The following JPH3 variants were observed in gnomAD, a reference collection of about 807,000 sequenced individuals.
JPH3 encodes junctophilin 3, also known as junctophilin-3.
Under a neutral mutation model 59.6 loss-of-function variants are expected in JPH3, and 11 were observed. The ratio of observed to expected loss-of-function variants is 0.18; its 90% CI spans 0.12 to 0.31. The LOEUF (loss-of-function observed/expected upper bound fraction) is 0.31, where lower values mean the gene tolerates loss of function less well. Ranked by LOEUF, JPH3 falls within the 10% of genes least tolerant of loss-of-function variation. JPH3 has a pLI of 1.00. For missense variants in JPH3, 1,202 were observed against 1,105.7 expected, an observed-to-expected ratio of 1.09 and a Z score of -1.24; for synonymous variants, 673 against 483.6, an observed-to-expected ratio of 1.39 and a Z score of -5.14.
At chr16:87,675,857 A>G (rs2033130578) in intron 2 of JPH3, among the ~76,000 whole-genome samples, 1 of 151,968 alleles carries the variant, frequency 6.6e-6, no homozygotes, top group Admixed American at 6.5e-5. Context: ...CTCCCATCCT[A>G]TTTCGCACCC....
chr16:87,671,557 A>G (rs1346400829), intron 2 of JPH3, among the ~76,000 whole-genome samples: 4 of 151,792 alleles, frequency 2.6e-5, no homozygotes, highest in Admixed American at 2.6e-4. Context: ...AGCAGGAGTC[A>G]CCCACACAAC....
Position 87,696,747 on chromosome 16 carries a change from C to A in JPH3, c.*87C>A. ...CAAAACCACAAGAAGGGAAAGACCGCAACTCGGACAGCCCAGCGACTTCCA... is the reference window on the plus strand; with the variant it reads ...CAAAACCACAAGAAGGGAAAGACCGAAACTCGGACAGCCCAGCGACTTCCA... On this transcript the variant is annotated 3_prime_UTR_variant, in exon 5 of 5. Transcript: ENST00000284262. The A allele has an allele frequency of 1.9e-6, 2 of 1,068,734 alleles. No individual in the cohort carries two copies. Among genetic ancestry groups the A allele is most frequent in the Non-Finnish European group, 2.8e-6 (2 of 703,392 alleles). The allele number at this position is 1,068,734 out of a possible 1,614,324, so 66.2% of individuals were successfully genotyped here. A position where few individuals can be genotyped will look rare whatever the true frequency, so the allele number is the denominator to read the frequency against.
chr16:87,639,115 A>C (rs2031854346), intron 1 of JPH3, among the ~76,000 whole-genome samples: 1 of 152,174 alleles, frequency 6.6e-6, no homozygotes. Flanking sequence ...AGAGAGGTGC[A>C]GGGCTTTTGC....
chr16:87,664,472 A>G (rs1303293340), intron 2 of JPH3, among the ~76,000 whole-genome samples: 1 of 151,554 alleles, frequency 6.6e-6, no homozygotes, highest in Non-Finnish European at 1.5e-5. Flanking sequence ...TAAAGATACA[A>G]AAATTAGCCG....
At chr16:87,676,214 A>G (rs573944594) in intron 2 of JPH3, among the ~76,000 whole-genome samples, 1 of 152,306 alleles carries the variant, frequency 6.6e-6, no homozygotes, top group East Asian at 1.9e-4. Context: ...CCGTCTTCTC[A>G]ATGAGACCAG....
chr16:87,632,072 A>G (rs1295140236), intron 1 of JPH3, among the ~76,000 whole-genome samples: 1 of 152,026 alleles, frequency 6.6e-6, no homozygotes, highest in South Asian at 2.1e-4. Flanking sequence ...CTGTTCATAT[A>G]TTAAAGTGAG....
At chr16:87,663,583 G>T (rs1405788959) in intron 2 of JPH3, among the ~76,000 whole-genome samples, 2 of 152,144 alleles carry the variant, frequency 1.3e-5, no homozygotes, top group Non-Finnish European at 2.9e-5. Context: ...CACAGCCACT[G>T]CCCCCAGCTG....
At chr16:87,683,374 C>A (rs565566097) in intron 2 of JPH3, among the ~76,000 whole-genome samples, 1 of 151,722 alleles carries the variant, frequency 6.6e-6, no homozygotes, top group Non-Finnish European at 1.5e-5. Flanking sequence ...GCGTGATCTC[C>A]GCTCACTGCA....
Position 87,690,702 on chromosome 16 carries a change from A to G in JPH3, c.2166+176A>G, listed in dbSNP as rs546861215. Among the ~76,000 whole-genome samples the G allele has an allele frequency of 2.1e-4, 32 of 152,246 alleles. No individual in the cohort carries two copies. In the South Asian group the frequency reaches 6.4e-3, roughly 31 times the overall value. On this transcript the variant is annotated intron_variant, in intron 4 of 4. Transcript: ENST00000284262. Reference sequence around the variant, plus strand: ...CCTCAGGTCGCTGGGACCCTCCCCTAGGAAGCCAGGTGGGGCAGGTGTCAT... The same window carrying G: ...CCTCAGGTCGCTGGGACCCTCCCCTGGGAAGCCAGGTGGGGCAGGTGTCAT...
chr16:87,633,576 C>T (rs1324135423), intron 1 of JPH3, among the ~76,000 whole-genome samples: 3 of 151,764 alleles, frequency 2.0e-5, no homozygotes, highest in Non-Finnish European at 4.4e-5. Context: ...CCGAGGCAGG[C>T]GGAGTACCTG....
Position 87,690,446 on chromosome 16 carries a change from A to G in JPH3, c.2086A>G (p.Thr696Ala). 1 of 1,487,916 alleles carries G rather than the reference A, an allele frequency of 6.7e-7. No homozygotes were observed. Among genetic ancestry groups the G allele is most frequent in the South Asian group, 1.4e-5 (1 of 70,950 alleles). The allele number at this position is 1,487,916 out of a possible 1,614,324, so 92.2% of individuals were successfully genotyped here. A position where few individuals can be genotyped will look rare whatever the true frequency, so the allele number is the denominator to read the frequency against. The part of the protein sequence containing the change: ...AEPRLLRWDL[T>A]FSPPQKSLPV... Reference sequence around the variant, plus strand: ...GCCCCGGTTGCTGCGTTGGGACTTGACCTTCTCCCCGCCCCAGAAATCCTT... The same window carrying G: ...GCCCCGGTTGCTGCGTTGGGACTTGGCCTTCTCCCCGCCCCAGAAATCCTT... Residue 696 changes from threonine to alanine, a missense_variant, in exon 4 of 5, where the codon ACC (threonine) becomes GCC (alanine). Physicochemically the swap from Thr to Ala is moderately conservative, Grantham distance 58. Coordinates refer to ENST00000284262, the MANE Select transcript of JPH3 (RefSeq NM_020655.4).
upstream of JPH3, chr16:87,601,877 G>C (rs1468993055): frequency 6.6e-6 from 1 of 152,214 alleles, no homozygotes; most frequent in Non-Finnish European, 1.5e-5. Context: ...CGTGTGTCCC[G>C]ACTCTCACTC....
At chr16:87,603,880 G>C (rs534481946) in intron 1 of JPH3, among the ~76,000 whole-genome samples, 1 of 152,370 alleles carries the variant, frequency 6.6e-6, no homozygotes, top group South Asian at 2.1e-4. Flanking sequence ...GAGGGGGCTG[G>C]GAGAAGGGCC....
chr16:87,644,210 C>T (rs749095605), intron 1 of JPH3, 48 bp from the exon 2 acceptor site: 6 of 1,551,194 alleles, frequency 3.9e-6, no homozygotes, highest in South Asian at 1.2e-5. Flanking sequence ...CAGGCTGTGC[C>T]CCCTCCTCTG....
intron 2 of JPH3, chr16:87,655,076 A>G (rs1361006000): frequency 6.6e-6 from 1 of 152,040 alleles, no homozygotes; most frequent in African/African-American, 2.4e-5. Flanking sequence ...CTGGGAGTCG[A>G]GTGTCTCGAG....
At chr16:87,692,208 T>A (rs566874780) in intron 4 of JPH3, among the ~76,000 whole-genome samples, 1 of 129,172 alleles carries the variant, frequency 7.7e-6, no homozygotes, top group East Asian at 2.0e-4. Flanking sequence ...TCCCTCCCTG[T>A]CTCCCTCCCC....
At chr16:87,676,919 C>T (rs1250607139) in intron 2 of JPH3, among the ~76,000 whole-genome samples, 1 of 151,790 alleles carries the variant, frequency 6.6e-6, no homozygotes, top group African/African-American at 2.4e-5. Flanking sequence ...CGCCTGTAAT[C>T]CCAGCACTTG....
At position 87,689,888 on chromosome 16, in the gene JPH3, G is replaced by A; in HGVS notation, c.1528G>A (p.Glu510Lys). ...CTCGAGGCAGGTGTCGGTGGACGAGGAGCGGGGCGGGGACATCCAGATGCT... is the reference window on the plus strand; with the variant it reads ...CTCGAGGCAGGTGTCGGTGGACGAGAAGCGGGGCGGGGACATCCAGATGCT... ...HFSRQVSVDE[E>K]RGGDIQMLLE... Residue 510 changes from glutamate (E) to lysine (K), a missense_variant, in exon 4 of 5, where the codon GAG becomes AAG. Glu to Lys is a moderately conservative substitution (Grantham distance 56). Coordinates refer to ENST00000284262, the MANE Select transcript of JPH3 (RefSeq NM_020655.4). The A allele has an allele frequency of 6.8e-7, 1 of 1,479,112 alleles. No individual in the cohort carries two copies. The allele number at this position is 1,479,112 out of a possible 1,614,324, so 91.6% of individuals were successfully genotyped here.
chr16:87,640,826 G>A lies in JPH3; in HGVS notation c.383-3432G>A, dbSNP rs146906115. On this transcript the variant is annotated intron_variant, in intron 1 of 4. Coordinates refer to ENST00000284262, the MANE Select transcript of JPH3 (RefSeq NM_020655.4). ...ACAACCCTGTCCACAGCCCTGGCAC[G>A]GAAGGGGCAGTCGCTGAGGGTGCAG... Among the ~76,000 whole-genome samples, 548 of 152,350 alleles carry A rather than the reference G, an allele frequency of 3.6e-3. 8 individuals are homozygous for A. The highest frequency in any genetic ancestry group is 0.012 in the African/African-American group (503 of 41,586).
Sources: gnomAD v4.1 joint callset for allele counts (sites outside exome capture counted in the v4.1 genomes callset) on GRCh38, gnomAD v4.1.1 for gene constraint, MANE v1.5 for transcripts, NCBI Gene and HGNC (gene_info 2026-07-23, HGNC 2026-07-21) for gene names.